Variants in CCSER1 observed in about 807,000 individuals in gnomAD.
CCSER1 encodes the protein serine-rich coiled-coil domain-containing protein 1.
In CCSER1, 41 loss-of-function variants were observed where a neutral mutation model predicts 82.0. The observed-to-expected ratio is 0.50, with a 90% CI of 0.39 to 0.65. The LOEUF (loss-of-function observed/expected upper bound fraction) is 0.65. Ranked by LOEUF, CCSER1 falls within the 30% of genes least tolerant of loss-of-function variation. CCSER1 has a pLI of 0.00. For missense variants in CCSER1, 1,119 were observed against 1,064.2 expected, an observed-to-expected ratio of 1.05 and a Z score of -0.72; for synonymous variants, 414 against 383.9, an observed-to-expected ratio of 1.08 and a Z score of -0.92.
At chr4:91,216,539 C>T (rs1467514376) in intron 10 of CCSER1, among the ~76,000 whole-genome samples, 1 of 152,114 alleles carries the variant, frequency 6.6e-6, no homozygotes, top group Non-Finnish European at 1.5e-5. Flanking sequence ...CCAGGATGGT[C>T]TCCATCTCCT....
In CCSER1 at chr4:91,600,526, G is replaced by A. The variant is rs1764780794; in HGVS notation, c.*1469G>A. 6.6e-6 allele frequency: 1 copy of A among 152,040 alleles called. No individual in the cohort carries two copies. The highest frequency in any genetic ancestry group is 2.4e-5 in the African/African-American group (1 of 41,410). 9.4% of individuals were successfully genotyped at this position (152,040 alleles called of 1,614,324 possible). A position where few individuals can be genotyped will look rare whatever the true frequency, so the allele number is the denominator to read the frequency against. ...GCGTGCACAAGCAAGATGAACAAAG[G>A]GAAATTGAGATAGCAGTTTTAGCAT... is the stretch of plus-strand genomic sequence containing the variant. On this transcript the variant is annotated 3_prime_UTR_variant, in exon 11 of 11. Coordinates refer to ENST00000509176, the MANE Select transcript of CCSER1 (RefSeq NM_001145065.2).
chr4:90,562,230 T>C (rs556097496), intron 5 of CCSER1, among the ~76,000 whole-genome samples: 1 of 151,186 alleles, frequency 6.6e-6, no homozygotes, highest in South Asian at 2.1e-4. Context: ...AAAGTCACAC[T>C]GTGTTTCACA....
At chr4:91,108,937 G>C (rs1725863974) in intron 10 of CCSER1, among the ~76,000 whole-genome samples, 1 of 152,138 alleles carries the variant, frequency 6.6e-6, no homozygotes, top group Non-Finnish European at 1.5e-5. Flanking sequence ...CCCAGTGTGG[G>C]TGGGCACCAT....
chr4:90,243,553 T>A (rs1720799751), intron 1 of CCSER1, among the ~76,000 whole-genome samples: 1 of 150,732 alleles, frequency 6.6e-6, no homozygotes. Context: ...GGCCATGTTT[T>A]TATTTTTTAT....
At chr4:90,985,744 A>G (rs1194950295) in intron 9 of CCSER1, among the ~76,000 whole-genome samples, 1 of 151,672 alleles carries the variant, frequency 6.6e-6, no homozygotes, top group Non-Finnish European at 1.5e-5. Flanking sequence ...TTCGCTGGCT[A>G]ATTTTCTCCC....
chr4:90,461,890 A>T (rs189869993), intron 4 of CCSER1, among the ~76,000 whole-genome samples: 16 of 152,284 alleles, frequency 1.1e-4, no homozygotes, highest in Admixed American at 3.3e-4. Context: ...CTGCAAGGCA[A>T]ATGTTTTATG....
intron 4 of CCSER1, among the ~76,000 whole-genome samples, chr4:90,406,274 CTATATAATG>C (rs1411760324): frequency 6.6e-6 from 1 of 152,052 alleles, no homozygotes; most frequent in Non-Finnish European, 1.5e-5. Context: ...AAGAGGGACA[CTATATAATG>C]ATAAGAGTAG....
chr4:90,467,179 G>A (rs1763749831), intron 4 of CCSER1, among the ~76,000 whole-genome samples: 1 of 151,910 alleles, frequency 6.6e-6, no homozygotes. Context: ...GAGGTCAAGA[G>A]ATCAAGACCA....
intron 10 of CCSER1, among the ~76,000 whole-genome samples, chr4:91,456,413 TG>T (rs1246704704): frequency 6.6e-6 from 1 of 152,050 alleles, no homozygotes; most frequent in Admixed American, 6.6e-5. Flanking sequence ...GGTAGGCAGA[TG>T]GAACAGAAAA....
At chr4:90,729,225 A>C (rs1744262795) in intron 7 of CCSER1, among the ~76,000 whole-genome samples, 2 of 152,236 alleles carry the variant, frequency 1.3e-5, no homozygotes, top group South Asian at 4.1e-4. Flanking sequence ...TTATAGATGC[A>C]AGATCTCCAA....
intron 10 of CCSER1, among the ~76,000 whole-genome samples, chr4:91,169,461 A>T (rs1026206203): frequency 6.6e-6 from 1 of 152,040 alleles, no homozygotes; most frequent in Non-Finnish European, 1.5e-5. Flanking sequence ...TCTGTACTAA[A>T]AATACAAAAA....
intron 1 of CCSER1, among the ~76,000 whole-genome samples, chr4:90,249,342 A>G (rs1459738897): frequency 6.6e-6 from 1 of 152,184 alleles, no homozygotes; most frequent in Admixed American, 6.6e-5. Flanking sequence ...TTTTATCAGG[A>G]TGTAATTTAC....
chr4:91,337,695 A>G (rs767215397), intron 10 of CCSER1, among the ~76,000 whole-genome samples: 3 of 152,088 alleles, frequency 2.0e-5, no homozygotes, highest in Non-Finnish European at 2.9e-5. Context: ...CTGTTCCCCA[A>G]GGCTTTTTCC....
At chr4:90,319,189 A>G (rs1736678670) in intron 3 of CCSER1, among the ~76,000 whole-genome samples, 1 of 152,226 alleles carries the variant, frequency 6.6e-6, no homozygotes, top group Admixed American at 6.5e-5. Context: ...AAGTTGGGAC[A>G]GTAAAGAAGA....
At chr4:91,518,199 G>GCAGT (rs1019988016) in intron 10 of CCSER1, among the ~76,000 whole-genome samples, 1 of 152,160 alleles carries the variant, frequency 6.6e-6, no homozygotes, top group Admixed American at 6.5e-5. Context: ...AGCGACCTTA[G>GCAGT]CAGTGGTTGT....
chr4:90,548,045 C>A (rs964070226), intron 5 of CCSER1, among the ~76,000 whole-genome samples: 3 of 151,972 alleles, frequency 2.0e-5, no homozygotes, highest in Admixed American at 6.6e-5. Flanking sequence ...CTAAGCCTCA[C>A]GTTGGTATTG....
intron 10 of CCSER1, among the ~76,000 whole-genome samples, chr4:91,264,575 C>T (rs925258725): frequency 5.9e-5 from 9 of 151,984 alleles, no homozygotes; most frequent in Non-Finnish European, 1.2e-4. Flanking sequence ...GAAACACTCT[C>T]GCACTACAAT....
At chr4:90,802,414 G>A (rs1240718463) in intron 7 of CCSER1, among the ~76,000 whole-genome samples, 1 of 150,810 alleles carries the variant, frequency 6.6e-6, no homozygotes, top group African/African-American at 2.4e-5. Context: ...TATTTCAATA[G>A]TATTCATTTA....
At position 90,312,862 on chromosome 4, in the gene CCSER1, G is replaced by A; in HGVS notation, c.1325-1G>A. On this transcript the variant is annotated splice_acceptor_variant, in intron 2 of 10. Transcript: ENST00000509176. LOFTEE classifies it high-confidence loss of function. ...ATTTTTATTTATTTTCCTTTCCATAGTTCTTGCCAGTAGTCTCAGTCCATT... is the reference window on the plus strand; with the variant it reads ...ATTTTTATTTATTTTCCTTTCCATAATTCTTGCCAGTAGTCTCAGTCCATT... The A allele has an allele frequency of 1.3e-6, 2 of 1,552,784 alleles. No individual in the cohort carries two copies. The highest frequency in any genetic ancestry group is 1.7e-6 in the Non-Finnish European group (2 of 1,144,686).
Sources: gnomAD v4.1 joint callset for allele counts (sites outside exome capture counted in the v4.1 genomes callset) on GRCh38, gnomAD v4.1.1 for gene constraint, MANE v1.5 for transcripts, NCBI Gene and HGNC (gene_info 2026-07-23, HGNC 2026-07-21) for gene names.